Variants in ZNF165 observed in about 807,000 individuals in gnomAD.
ZNF165 encodes zinc finger protein 165, also known as cancer/testis antigen 53.
Under a neutral mutation model 19.6 loss-of-function variants are expected in ZNF165, and 14 were observed. The observed-to-expected ratio is 0.71, with a 90% CI of 0.47 to 1.12. ZNF165 has a LOEUF of 1.12. ZNF165 is among the 50% of genes most tolerant of loss of function. The pLI, the probability that ZNF165 is intolerant of heterozygous loss-of-function variation, is 0.00. For synonymous variants in ZNF165, 165 were observed against 195.0 expected (o/e 0.85, Z 1.28); for missense variants, 504 against 566.3 (o/e 0.89, Z 1.12).
intron 1 of ZNF165, among the ~76,000 whole-genome samples, chr6:28,085,181 T>G (rs557091297): frequency 6.6e-6 from 1 of 152,320 alleles, no homozygotes; most frequent in East Asian, 1.9e-4. Context: ...ACATGTACAT[T>G]GTTAATATTT....
chr6:28,081,339 T>A (rs1764150623), intron 1 of ZNF165: 1 of 152,312 alleles, frequency 6.6e-6, no homozygotes, highest in African/African-American at 2.4e-5. Context: ...TCTGCCATTG[T>A]CTGCGAAAAG....
rs779773090 is a variant in ZNF165, at chr6:28,089,320, C to T, written c.1308C>T (p.Thr436=). The change falls in exon 4 of 4, where the codon ACC becomes ACT. Residue 436 remains threonine (T), a synonymous_variant. Transcript: ENST00000683778. ...KPYECSECGK[T]FRVSSHLIRH... ...ACGAGTGTAGTGAATGTGGGAAAAC[C>T]TTCCGAGTGAGCTCACATCTTATTC... is the stretch of plus-strand genomic sequence containing the variant. The T allele has an allele frequency of 1.4e-5, 23 of 1,614,050 alleles. No individual in the cohort carries two copies. The highest frequency in any genetic ancestry group is 3.3e-4 in the Middle Eastern group (2 of 6,084).
Position 28,088,981 on chromosome 6 carries a change from A to G in ZNF165, c.969A>G (p.Gly323=), listed in dbSNP as rs1764363571. ...IYAGEKNHQY[G]KSFKSPKLAK... ...CTGGAGAAAAAAATCACCAATATGG[A>G]AAATCTTTCAAGAGCCCAAAACTTG... Residue 323 remains glycine, a synonymous_variant, in exon 4 of 4, where the codon GGA becomes GGG. Transcript: ENST00000683778. 6.2e-7 allele frequency: 1 copy of G among 1,614,082 alleles called. No homozygotes were observed. Among genetic ancestry groups the G allele is most frequent in the Non-Finnish European group, 8.5e-7 (1 of 1,180,034 alleles).
chr6:28,085,711 G>A lies in ZNF165; in HGVS notation c.231G>A (p.Trp77Ter). 6.2e-7 allele frequency: 1 copy of A among 1,613,900 alleles called. No individual in the cohort carries two copies. The highest frequency in any genetic ancestry group is 1.1e-5 in the South Asian group (1 of 91,074). The part of the protein sequence containing the change: ...LSRLRELCCQ[W>*]LKPEIHTKEQ... Reference sequence around the variant, plus strand: ...GCCTCCGGGAGCTCTGCTGTCAGTGGCTGAAGCCAGAGATCCATACCAAGG... The same window carrying A: ...GCCTCCGGGAGCTCTGCTGTCAGTGACTGAAGCCAGAGATCCATACCAAGG... The change falls in exon 2 of 4, where the codon TGG becomes TGA. Residue 77 changes from tryptophan (W) to a stop codon, truncating the protein, a stop_gained. Coordinates refer to ENST00000683778, the MANE Select transcript of ZNF165 (RefSeq NM_001376491.1). LOFTEE classifies it high-confidence loss of function.
rs1203432321 is a variant in ZNF165 at position 28,088,676 on chromosome 6, G to A, written c.664G>A (p.Glu222Lys). 6.2e-7 allele frequency: 1 copy of A among 1,614,142 alleles called. No individual in the cohort carries two copies. Among genetic ancestry groups the A allele is most frequent in the Non-Finnish European group, 8.5e-7 (1 of 1,180,012 alleles). Residue 222 changes from glutamate (E) to lysine (K), a missense_variant, in exon 4 of 4, where the codon GAG becomes AAG. Coordinates refer to ENST00000683778, the MANE Select transcript of ZNF165 (RefSeq NM_001376491.1). ...AGGATACATATCAGAAGCATCTGGT[G>A]AGTCTCAAGACATCTGTAAGTCTGC... is the stretch of plus-strand genomic sequence containing the variant. ...ISGYISEASGESQDICKSAGR... is the reference protein window; with the variant it reads ...ISGYISEASGKSQDICKSAGR...
At chr6:28,085,421 A>G (rs1764251593) in intron 1 of ZNF165, 60 bp from the exon 2 acceptor site, 1 of 1,525,014 alleles carries the variant, frequency 6.6e-7, no homozygotes, top group Admixed American at 2.2e-5. Flanking sequence ...CCTCAGGAGG[A>G]CTCTTGAAAC....
At chr6:28,081,987 A>G (rs1764167228) in intron 1 of ZNF165, among the ~76,000 whole-genome samples, 2 of 152,320 alleles carry the variant, frequency 1.3e-5, no homozygotes, top group Middle Eastern at 3.4e-3. Flanking sequence ...ATATGGGCCT[A>G]CTTTACACCC....
chr6:28,089,209 C>A lies in ZNF165; in HGVS notation c.1197C>A (p.Pro399=), dbSNP rs377656801. 25 of 1,614,178 alleles carry A rather than the reference C, an allele frequency of 1.5e-5. No individual in the cohort carries two copies. In the African/African-American group the frequency reaches 2.9e-4, roughly 19 times the overall value. ...GGCGAATTCACACTGGGGAAAGACCCTTTGGTTGCAAAGAATGTGGGAGAG... is the reference window on the plus strand; with the variant it reads ...GGCGAATTCACACTGGGGAAAGACCATTTGGTTGCAAAGAATGTGGGAGAG... The part of the protein sequence containing the change: ...RHRRIHTGER[P]FGCKECGRAF... The change falls in exon 4 of 4, where the codon CCC becomes CCA. Residue 399 remains proline, a synonymous_variant. Coordinates refer to ENST00000683778, the MANE Select transcript of ZNF165 (RefSeq NM_001376491.1).
chr6:28,085,485 C>G lies in ZNF165; in HGVS notation c.5C>G (p.Ala2Gly). The change falls in exon 2 of 4, where the codon GCT (alanine) becomes GGT (glycine). Residue 2 changes from alanine to glycine, a missense_variant. By Grantham distance (60) the Ala-to-Gly change is moderately conservative. Transcript: ENST00000683778. The part of the protein sequence containing the change: M[A>G]TEPKKAAAQN... ...GATAATATATTCTATCCACAGATGG[C>G]TACAGAACCAAAGAAAGCTGCAGCC... is the stretch of plus-strand genomic sequence containing the variant. 1 of 1,610,700 alleles carries G rather than the reference C, an allele frequency of 6.2e-7. No homozygotes were observed. The highest frequency in any genetic ancestry group is 8.5e-7 in the Non-Finnish European group (1 of 1,179,322).
upstream of ZNF165, among the ~76,000 whole-genome samples, chr6:28,080,418 C>A (rs1224759248): frequency 6.6e-6 from 1 of 152,060 alleles, no homozygotes; most frequent in Non-Finnish European, 1.5e-5. Context: ...CACTCTGTCA[C>A]CCAAGCTGGA....
chr6:28,082,058 A>G (rs927793587), intron 1 of ZNF165, among the ~76,000 whole-genome samples: 10 of 152,234 alleles, frequency 6.6e-5, no homozygotes, highest in African/African-American at 2.4e-4. Context: ...TGGTTAGCGC[A>G]TCTAGGAAAC....
intron 3 of ZNF165, 124 bp from the exon 4 acceptor site, chr6:28,088,439 T>C: frequency 1.3e-6 from 1 of 773,518 alleles, no homozygotes; most frequent in South Asian, 2.1e-5. Context: ...CATTCTATCA[T>C]TCCTCTCATG....
rs1175836960 is a variant in ZNF165, at chr6:28,080,817, C to G, written c.-154C>G. Reference sequence around the variant, plus strand: ...AGGACTTTGGCGAAAAGTCTGCGCCCGAAGAGACCCAGGAAGGATTCTTGG... The same window carrying G: ...AGGACTTTGGCGAAAAGTCTGCGCCGGAAGAGACCCAGGAAGGATTCTTGG... On this transcript the variant is annotated 5_prime_UTR_variant, in exon 1 of 4. Coordinates refer to ENST00000683778, the MANE Select transcript of ZNF165 (RefSeq NM_001376491.1). The G allele has an allele frequency of 6.6e-6, 1 of 152,210 alleles. No individual in the cohort carries two copies. Among genetic ancestry groups the G allele is most frequent in the Non-Finnish European group, 1.5e-5 (1 of 68,058 alleles). The allele number at this position is 152,210 out of a possible 1,614,324, so 9.4% of individuals were successfully genotyped here. A position where few individuals can be genotyped will look rare whatever the true frequency, so the allele number is the denominator to read the frequency against.
At chr6:28,082,583 C>A (rs1461700700) in intron 1 of ZNF165, among the ~76,000 whole-genome samples, 1 of 152,236 alleles carries the variant, frequency 6.6e-6, no homozygotes, top group Non-Finnish European at 1.5e-5. Flanking sequence ...AGGCACAGAT[C>A]GCTCATGCTA....
intron 1 of ZNF165, among the ~76,000 whole-genome samples, chr6:28,082,816 T>C (rs1764186905): frequency 2.0e-5 from 3 of 152,254 alleles, no homozygotes; most frequent in Non-Finnish European, 4.4e-5. Context: ...TATTGAAATA[T>C]CATTGTTTCT....
chr6:28,089,247 A>G lies in ZNF165; in HGVS notation c.1235A>G (p.Asn412Ser). 1 of 1,614,102 alleles carries G rather than the reference A, an allele frequency of 6.2e-7. No homozygotes were observed. The highest frequency in any genetic ancestry group is 8.5e-7 in the Non-Finnish European group (1 of 1,180,002). ...GAATGTGGGAGAGCATTCAACCTGA[A>G]CTCACATCTTATCAGGCATCAGAGA... is the stretch of plus-strand genomic sequence containing the variant. ...CKECGRAFNL[N>S]SHLIRHQRIH... The change falls in exon 4 of 4, where the codon AAC becomes AGC. Residue 412 changes from asparagine to serine, a missense_variant. Asn to Ser is a conservative substitution (Grantham distance 46, BLOSUM62 1). Transcript: ENST00000683778.
In ZNF165 at chr6:28,085,574, G is replaced by T. The variant is rs1324542293; in HGVS notation, c.94G>T (p.Gly32Trp). 1 of 1,614,240 alleles carries T rather than the reference G, an allele frequency of 6.2e-7. No individual in the cohort carries two copies. The highest frequency in any genetic ancestry group is 8.5e-7 in the Non-Finnish European group (1 of 1,180,042). Residue 32 changes from glycine (G) to tryptophan (W), a missense_variant, in exon 2 of 4, where the codon GGG becomes TGG. Gly to Trp is a radical substitution (Grantham distance 184). Transcript: ENST00000683778. Reference protein sequence around the residue: ...VKIEEEEFIHGQDTCLQRSEL... With the variant: ...VKIEEEEFIHWQDTCLQRSEL... ...GATAGAAGAGGAAGAATTTATCCAT[G>T]GGCAGGACACTTGCTTACAGAGAAG...
In ZNF165 at chr6:28,083,741, C is replaced by T. The variant is rs528147104; in HGVS notation, c.1-1740C>T. On this transcript the variant is annotated intron_variant, in intron 1 of 3. Transcript: ENST00000683778. ...TTGCCTTGATGAGAAAATTCATGTTCGAGTGCTATTTCTTTTGCTGCACCG... is the reference window on the plus strand; with the variant it reads ...TTGCCTTGATGAGAAAATTCATGTTTGAGTGCTATTTCTTTTGCTGCACCG... Among the ~76,000 whole-genome samples the T allele has an allele frequency of 1.1e-3, 168 of 152,264 alleles. 2 individuals are homozygous for T. The highest frequency in any genetic ancestry group is 3.2e-3 in the African/African-American group (131 of 41,556).
At chr6:28,087,115 A>C (rs1473447032) in intron 3 of ZNF165, among the ~76,000 whole-genome samples, 2 of 152,392 alleles carry the variant, frequency 1.3e-5, no homozygotes, top group Non-Finnish European at 2.9e-5. Context: ...CTACTTCCAC[A>C]GAATACTCAT....
Sources: gnomAD v4.1 joint callset for allele counts (sites outside exome capture counted in the v4.1 genomes callset) on GRCh38, gnomAD v4.1.1 for gene constraint, MANE v1.5 for transcripts, NCBI Gene and HGNC (gene_info 2026-07-23, HGNC 2026-07-21) for gene names.